EPB41: variants seen among roughly 807,000 people sequenced by gnomAD.
The protein encoded by EPB41 is erythrocyte membrane protein band 4.1, also known as protein 4.1.
In EPB41, 65 loss-of-function variants were observed where a neutral mutation model predicts 108.0. The observed-to-expected ratio is 0.60, with a 90% CI of 0.49 to 0.74. The LOEUF is 0.74. Ranked by LOEUF, EPB41 falls within the 30% of genes least tolerant of loss-of-function variation. EPB41 has a pLI of 0.00. For missense variants in EPB41, 875 were observed against 1,037.0 expected (o/e 0.84, Z 2.15); for synonymous variants, 336 against 358.9 (o/e 0.94, Z 0.72).
At chr1:29,017,093 C>T (rs1021667442) in intron 6 of EPB41, among the ~76,000 whole-genome samples, 8 of 152,150 alleles carry the variant, frequency 5.3e-5, no homozygotes, top group African/African-American at 1.7e-4. Flanking sequence ...TTCTTTTTCA[C>T]AGTAATATTT....
intron 11 of EPB41, among the ~76,000 whole-genome samples, chr1:29,052,535 T>G (rs1444533484): frequency 6.6e-6 from 1 of 152,244 alleles, no homozygotes; most frequent in Non-Finnish European, 1.5e-5. Context: ...GGAGAGCATC[T>G]GGTTCAAATA....
At chr1:29,104,513 T>TG (rs1666483188) in intron 17 of EPB41, among the ~76,000 whole-genome samples, 1 of 152,132 alleles carries the variant, frequency 6.6e-6, no homozygotes, top group Non-Finnish European at 1.5e-5. Context: ...CCTTTTGGGC[T>TG]CAAGTGATCC....
rs144318695 is a variant in EPB41 at position 29,057,003 on chromosome 1, C to T, written c.1846-1586C>T. Among the ~76,000 whole-genome samples the T allele has an allele frequency of 5.3e-4, 80 of 152,146 alleles. 2 individuals are homozygous for T. In the East Asian group the frequency reaches 0.013, roughly 26 times the overall value. ...GGGAAGACATCATCTCCATTTTGTC[C>T]ATAAGAAGTTTAAGCTCTGAGGGGT... On this transcript the variant is annotated intron_variant, in intron 12 of 20. Transcript: ENST00000343067.
intron 16 of EPB41, among the ~76,000 whole-genome samples, chr1:29,095,162 C>T (rs1573878504): frequency 6.6e-6 from 1 of 152,272 alleles, no homozygotes; most frequent in African/African-American, 2.4e-5. Flanking sequence ...TGCTTTAGAA[C>T]TGTTTTTCCT....
chr1:29,056,399 T>A (rs551439116), intron 12 of EPB41, among the ~76,000 whole-genome samples: 35 of 152,334 alleles, frequency 2.3e-4, no homozygotes, highest in Admixed American at 5.9e-4. Context: ...CAGATAGAGA[T>A]AGCTTTTTGT....
At chr1:29,015,022 G>A (rs1260699546) in intron 5 of EPB41, among the ~76,000 whole-genome samples, 1 of 152,028 alleles carries the variant, frequency 6.6e-6, no homozygotes, top group Non-Finnish European at 1.5e-5. Flanking sequence ...GTACATGCCT[G>A]TAGACCCAGC....
chr1:29,020,967 G>T (rs2096636864), intron 7 of EPB41, among the ~76,000 whole-genome samples: 2 of 152,092 alleles, frequency 1.3e-5, no homozygotes, highest in South Asian at 4.1e-4. Context: ...ATGGTTATCT[G>T]ATCATAATAG....
intron 1 of EPB41, among the ~76,000 whole-genome samples, chr1:28,906,961 C>T (rs1031746797): frequency 5.3e-5 from 8 of 151,660 alleles, no homozygotes; most frequent in African/African-American, 1.4e-4. Context: ...TTTGTAGAGA[C>T]GGGGTTTCAA....
chr1:29,062,469 T>C (rs1295972383), intron 15 of EPB41, among the ~76,000 whole-genome samples: 2 of 152,224 alleles, frequency 1.3e-5, no homozygotes, highest in African/African-American at 2.4e-5. Flanking sequence ...TTAAAACCAC[T>C]AACTGCCTTT....
At chr1:28,985,437 A>C (rs189311592) in intron 1 of EPB41, among the ~76,000 whole-genome samples, 1 of 152,328 alleles carries the variant, frequency 6.6e-6, no homozygotes, top group Admixed American at 6.5e-5. Context: ...TGGTAAACAA[A>C]TATGTTAACA....
intron 4 of EPB41, among the ~76,000 whole-genome samples, chr1:29,003,017 A>G (rs1294688509): frequency 1.3e-5 from 2 of 152,192 alleles, no homozygotes; most frequent in African/African-American, 2.4e-5. Flanking sequence ...GGTATTTAGT[A>G]TGAGTGACTC....
intron 7 of EPB41, among the ~76,000 whole-genome samples, chr1:29,022,384 A>G (rs1471686781): frequency 6.6e-6 from 1 of 151,194 alleles, no homozygotes; most frequent in Admixed American, 6.6e-5. Context: ...AAAAAAAAAA[A>G]AAAAAAAGAA....
intron 16 of EPB41, among the ~76,000 whole-genome samples, chr1:29,086,484 G>A (rs1192103579): frequency 6.6e-6 from 1 of 151,940 alleles, no homozygotes; most frequent in Non-Finnish European, 1.5e-5. Flanking sequence ...ATGTTGGCCA[G>A]GATGGTCTCG....
rs1227983608 is a variant in EPB41 at position 28,980,794 on chromosome 1, G to GTTTTT, written c.-7-6621_-7-6617dup. The stretch of plus-strand genomic sequence containing the variant: ...CCTTCCAGCTGATGATATTCCAGGA[G>GTTTTT]TTTTTTTTTTTTTTTTTTTTGAGAT... On this transcript the variant is annotated intron_variant, in intron 1 of 20. Coordinates refer to ENST00000343067, the MANE Select transcript of EPB41 (RefSeq NM_001376013.1). 4.2e-5 allele frequency among the ~76,000 whole-genome samples: 5 copies of GTTTTT among 118,194 alleles called. 1 individual carries two copies. Among genetic ancestry groups the GTTTTT allele is most frequent in the Admixed American group, 8.9e-5 (1 of 11,284 alleles). 77.5% of individuals were successfully genotyped at this position (118,194 alleles called of 152,430 possible).
chr1:28,937,754 T>C (rs552746683), intron 1 of EPB41, among the ~76,000 whole-genome samples: 1 of 152,370 alleles, frequency 6.6e-6, no homozygotes, highest in Non-Finnish European at 1.5e-5. Flanking sequence ...TGGTATCATA[T>C]GTAAGAAATC....
chr1:28,958,176 T>C (rs1339081780), intron 1 of EPB41, among the ~76,000 whole-genome samples: 1 of 152,172 alleles, frequency 6.6e-6, no homozygotes, highest in East Asian at 1.9e-4. Flanking sequence ...ACAGGATTAT[T>C]TTAATGTTCT....
Position 29,000,104 on chromosome 1 carries a change from T to TTTTG in EPB41, c.786+2794_786+2797dup, listed in dbSNP as rs543957519. On this transcript the variant is annotated intron_variant, in intron 4 of 20. Coordinates refer to ENST00000343067, the MANE Select transcript of EPB41 (RefSeq NM_001376013.1). ...ATGCCTTGCCACTATTGTAATTAGT[T>TTTTG]TTTGTTTGTTTGAGATGGAGCTTCA... Among the ~76,000 whole-genome samples, 567 of 152,082 alleles carry TTTTG rather than the reference T, an allele frequency of 3.7e-3. 5 individuals carry two copies. Among genetic ancestry groups the TTTTG allele is most frequent in the African/African-American group, 0.013 (527 of 41,480 alleles).
rs2092610931 is a variant in EPB41 at position 28,915,791 on chromosome 1, C to T, written c.-8+1023C>T. The stretch of plus-strand genomic sequence containing the variant: ...TTCACAGCTGCTATTTTCTTCCCTT[C>T]TGTTTTTAGGGAAAATTGCAAGAAA... On this transcript the variant is annotated intron_variant, in intron 1 of 20. Coordinates refer to ENST00000343067, the MANE Select transcript of EPB41 (RefSeq NM_001376013.1). 7.1e-5 allele frequency among the ~76,000 whole-genome samples: 4 copies of T among 56,136 alleles called. No individual in the cohort carries two copies. The Admixed American group carries it at 9.8e-4, about 14-fold the overall frequency. 36.8% of individuals were successfully genotyped at this position (56,136 alleles called of 152,430 possible).
chr1:28,936,683 T>C (rs2094043076), intron 1 of EPB41, among the ~76,000 whole-genome samples: 1 of 152,248 alleles, frequency 6.6e-6, no homozygotes, highest in African/African-American at 2.4e-5. Context: ...TCACTTAGCA[T>C]GTTTCCAAGG....
Sources: allele counts gnomAD v4.1 joint callset (sites outside exome capture counted in the v4.1 genomes callset), GRCh38; gene constraint gnomAD v4.1.1; transcripts MANE v1.5; gene names NCBI Gene and HGNC (gene_info 2026-07-23, HGNC 2026-07-21).